Variants in BAZ1B observed in about 807,000 individuals in gnomAD.
BAZ1B encodes bromodomain adjacent to zinc finger domain 1B.
BAZ1B carries 22 observed loss-of-function variants against 153.8 expected under a neutral mutation model. The ratio of observed to expected loss-of-function variants is 0.14; its 90% CI spans 0.10 to 0.20. The LOEUF (loss-of-function observed/expected upper bound fraction) is 0.20, where lower values mean the gene tolerates loss of function less well. Among genes scored for constraint, BAZ1B ranks in the 10% least tolerant of loss-of-function variants. The pLI is 1.00. For synonymous variants in BAZ1B, 676 were observed against 633.4 expected, an observed-to-expected ratio of 1.07 and a Z score of -1.01; for missense variants, 1,325 against 1,799.3, an observed-to-expected ratio of 0.74 and a Z score of 4.77.
rs35812071 is a variant in BAZ1B, at chr7:73,488,714, C to CAA, written c.891+478_891+479dup. Among the ~76,000 whole-genome samples, 379 of 59,142 alleles carry CAA rather than the reference C, an allele frequency of 6.4e-3. 1 individual carries two copies. The highest frequency in any genetic ancestry group is 0.02 in the African/African-American group (333 of 16,366). The allele number at this position is 59,142 out of a possible 152,430, so 38.8% of individuals were successfully genotyped here. ...TGGGTGACAGAGCGAGACTCCAACT[C>CAA]AAAAAAAAAAAAAAAACAAAAAAAA... On this transcript the variant is annotated intron_variant, in intron 6 of 19. Transcript: ENST00000339594.
chr7:73,461,956 AG>A (rs1554570440), intron 12 of BAZ1B, among the ~76,000 whole-genome samples: 1 of 152,234 alleles, frequency 6.6e-6, no homozygotes, highest in East Asian at 1.9e-4. Flanking sequence ...TGTGTCAAAC[AG>A]GGTCTTGCTA....
intron 7 of BAZ1B, among the ~76,000 whole-genome samples, chr7:73,475,759 T>C (rs1788972783): frequency 6.6e-6 from 1 of 151,870 alleles, no homozygotes; most frequent in African/African-American, 2.4e-5. Flanking sequence ...ACCCCATCTC[T>C]ACAAAAACAC....
rs560475067 is a variant in BAZ1B at position 73,499,036 on chromosome 7, T to A, written c.370-338A>T. On this transcript the variant is annotated intron_variant, in intron 3 of 19. Transcript: ENST00000339594. ...TTGTATGTATTTACTTATTATTATT[T>A]TTTTTTTGAGACACAGTCTCTCTCT... is the stretch of plus-strand genomic sequence containing the variant. 7.0e-4 allele frequency among the ~76,000 whole-genome samples: 107 copies of A among 152,310 alleles called. 1 individual carries two copies. The highest frequency in any genetic ancestry group is 2.1e-3 in the African/African-American group (89 of 41,568).
intron 12 of BAZ1B, among the ~76,000 whole-genome samples, chr7:73,461,353 T>C (rs1195720404): frequency 1.3e-5 from 2 of 152,228 alleles, no homozygotes; most frequent in Non-Finnish European, 2.9e-5. Context: ...TTAAATACTA[T>C]CTTGTCAATC....
intron 13 of BAZ1B, among the ~76,000 whole-genome samples, 158 bp downstream of exon 13, chr7:73,459,378 T>C (rs1209581141): frequency 1.8e-4 from 25 of 137,184 alleles, no homozygotes; most frequent in Admixed American, 1.8e-3. Flanking sequence ...ACAGAAGGGG[T>C]AGAAAGTGAT....
chr7:73,503,389 T>C (rs1329160022), intron 3 of BAZ1B, among the ~76,000 whole-genome samples: 1 of 152,102 alleles, frequency 6.6e-6, no homozygotes, highest in Non-Finnish European at 1.5e-5. Flanking sequence ...CTTTTTTTTG[T>C]TTTTGAGACA....
intron 4 of BAZ1B, 132 bp downstream of exon 4, chr7:73,498,365 A>T: frequency 1.2e-6 from 1 of 831,514 alleles, no homozygotes; most frequent in Non-Finnish European, 1.9e-6. Flanking sequence ...TTGTTCTATG[A>T]ATCATAAATG....
intron 9 of BAZ1B, 123 bp from the exon 10 acceptor site, chr7:73,466,524 A>T (rs1788592291): frequency 1.7e-6 from 1 of 602,722 alleles, no homozygotes; most frequent in Non-Finnish European, 3.0e-6. Flanking sequence ...TGTGAAATAT[A>T]TCAAATATAT....
At chr7:73,455,652 T>C (rs1339441103) in intron 13 of BAZ1B, among the ~76,000 whole-genome samples, 1 of 152,042 alleles carries the variant, frequency 6.6e-6, no homozygotes, top group African/African-American at 2.4e-5. Flanking sequence ...ATGGTGACAC[T>C]CGCCTATAAT....
chr7:73,464,388 G>A (rs1172082942), intron 11 of BAZ1B, among the ~76,000 whole-genome samples: 3 of 152,160 alleles, frequency 2.0e-5, no homozygotes, highest in Non-Finnish European at 4.4e-5. Context: ...CCAACTTGAA[G>A]CATGTACTTC....
chr7:73,463,211 C>G (rs1418163984), intron 11 of BAZ1B, 112 bp from the exon 12 acceptor site: 5 of 935,190 alleles, frequency 5.3e-6, no homozygotes, highest in Non-Finnish European at 8.0e-6. Flanking sequence ...AGATCTCTTT[C>G]ACCTCTCCCT....
chr7:73,460,468 G>A (rs1216622525), intron 12 of BAZ1B, among the ~76,000 whole-genome samples: 6 of 151,890 alleles, frequency 4.0e-5, no homozygotes, highest in Admixed American at 6.6e-5. Context: ...ATGTAAGGTA[G>A]TATGTTTTAC....
At chr7:73,446,059 A>G (rs1787824480) in intron 16 of BAZ1B, among the ~76,000 whole-genome samples, 2 of 152,166 alleles carry the variant, frequency 1.3e-5, no homozygotes, top group Non-Finnish European at 1.5e-5. Flanking sequence ...CCCACATCAC[A>G]CCTCTGAAGT....
At chr7:73,461,755 A>G (rs1220519955) in intron 12 of BAZ1B, among the ~76,000 whole-genome samples, 1 of 152,178 alleles carries the variant, frequency 6.6e-6, no homozygotes, top group African/African-American at 2.4e-5. Flanking sequence ...GGCATGGGGG[A>G]ATGCAAATGA....
At chr7:73,463,586 G>A (rs1436129804) in intron 11 of BAZ1B, among the ~76,000 whole-genome samples, 1 of 152,078 alleles carries the variant, frequency 6.6e-6, no homozygotes, top group Non-Finnish European at 1.5e-5. Context: ...TTCATATTTA[G>A]TGAACAAAAC....
intron 7 of BAZ1B, among the ~76,000 whole-genome samples, chr7:73,474,176 C>A (rs956688300): frequency 8.6e-5 from 13 of 151,812 alleles, no homozygotes; most frequent in Admixed American, 2.6e-4. Flanking sequence ...CAAGGCCATT[C>A]AATGGGGAAA....
At chr7:73,506,325 C>T (rs147140912) in intron 3 of BAZ1B, among the ~76,000 whole-genome samples, 280 of 151,796 alleles carry the variant, frequency 1.8e-3, no homozygotes, top group African/African-American at 6.4e-3. Context: ...AGTGAAACCC[C>T]GTCTCTATTA....
At position 73,465,528 on chromosome 7, in the gene BAZ1B, A is replaced by G. The variant is rs1788551068; in HGVS notation, c.2982T>C (p.Cys994=). 1 of 1,607,344 alleles carries G rather than the reference A, an allele frequency of 6.2e-7. No homozygotes were observed. The highest frequency in any genetic ancestry group is 8.5e-7 in the Non-Finnish European group (1 of 1,176,996). The change falls in exon 11 of 20, where the codon TGT becomes TGC. Residue 994 remains cysteine (C), a synonymous_variant. Coordinates refer to ENST00000339594, the MANE Select transcript of BAZ1B (RefSeq NM_032408.4). ...PKQGQNLWFL[C]DSQKELDELL... is the part of the protein sequence containing the mutation. ...ACTCATCCAGCTCCTTTTGACTATC[A>G]CATAAAAACCTGTAGGGGCAAAAGA...
intron 1 of BAZ1B, among the ~76,000 whole-genome samples, chr7:73,514,805 G>C (rs1432546687): frequency 6.6e-6 from 1 of 151,954 alleles, no homozygotes; most frequent in African/African-American, 2.4e-5. Flanking sequence ...GATTAGCCCG[G>C]GCATGGTGGG....
Sources: allele counts gnomAD v4.1 joint callset (sites outside exome capture counted in the v4.1 genomes callset), GRCh38; gene constraint gnomAD v4.1.1; transcripts MANE v1.5; gene names NCBI Gene and HGNC (gene_info 2026-07-23, HGNC 2026-07-21).